The following CRY1 variants were observed in gnomAD, a reference collection of about 807,000 sequenced individuals.
CRY1 encodes cryptochrome-1.
A neutral mutation model predicts 76.0 loss-of-function variants in CRY1; 45 were observed. The observed-to-expected ratio is 0.59, with a 90% CI of 0.47 to 0.76. CRY1 has a LOEUF of 0.76. Among genes scored for constraint, CRY1 ranks in the 30% least tolerant of loss-of-function variants. The probability of loss-of-function intolerance (pLI) is 0.00; values close to 1 mark genes in which losing one functional copy is unlikely to be tolerated. For missense variants in CRY1, 587 were observed against 716.4 expected, an observed-to-expected ratio of 0.82 and a Z score of 2.06; for synonymous variants, 248 against 244.0, an observed-to-expected ratio of 1.02 and a Z score of -0.15.
Position 107,025,879 on chromosome 12 carries a change from A to C in CRY1, c.159-3687T>G, listed in dbSNP as rs1952602643. 2.0e-5 allele frequency among the ~76,000 whole-genome samples: 3 copies of C among 150,934 alleles called. No homozygotes were observed. The South Asian group carries it at 6.2e-4, about 31-fold the overall frequency. ...TACCCCTTTCTCTCACACCAAACCA[A>C]ACTTCTCTTTCAGCACACATTCAAT... On this transcript the variant is annotated intron_variant, in intron 1 of 12. Coordinates refer to ENST00000008527, the MANE Select transcript of CRY1 (RefSeq NM_004075.5).
At chr12:107,029,255 T>C (rs1952650460) in intron 1 of CRY1, among the ~76,000 whole-genome samples, 1 of 152,104 alleles carries the variant, frequency 6.6e-6, no homozygotes, top group Non-Finnish European at 1.5e-5. Flanking sequence ...AAATCTTCCA[T>C]TCTTGGCTTC....
intron 1 of CRY1, among the ~76,000 whole-genome samples, chr12:107,031,036 A>G (rs1952668498): frequency 6.6e-6 from 1 of 152,222 alleles, no homozygotes; most frequent in Non-Finnish European, 1.5e-5. Flanking sequence ...ATCAATGTCA[A>G]AACAAACCTG....
intron 1 of CRY1, among the ~76,000 whole-genome samples, chr12:107,048,003 T>G (rs920937685): frequency 6.6e-6 from 1 of 151,872 alleles, no homozygotes; most frequent in African/African-American, 2.4e-5. Flanking sequence ...AACCAATAGG[T>G]AGACTAATAT....
intron 1 of CRY1, among the ~76,000 whole-genome samples, chr12:107,070,644 C>A (rs1447940187): frequency 6.6e-6 from 1 of 151,374 alleles, no homozygotes; most frequent in Non-Finnish European, 1.5e-5. Flanking sequence ...TTGTATCTAG[C>A]CACATCGCTG....
chr12:107,008,597 A>C (rs1952400586), intron 2 of CRY1, among the ~76,000 whole-genome samples: 1 of 152,212 alleles, frequency 6.6e-6, no homozygotes, highest in South Asian at 2.1e-4. Flanking sequence ...TTGGGTAGAA[A>C]GCATTCAGTG....
At chr12:107,019,086 G>T (rs915878244) in intron 2 of CRY1, among the ~76,000 whole-genome samples, 1 of 151,974 alleles carries the variant, frequency 6.6e-6, no homozygotes, top group African/African-American at 2.4e-5. Context: ...AGAACCAAAA[G>T]ACCTGAGACA....
intron 1 of CRY1, among the ~76,000 whole-genome samples, chr12:107,052,391 T>G (rs551119208): frequency 3.3e-5 from 5 of 152,192 alleles, no homozygotes; most frequent in African/African-American, 9.6e-5. Context: ...TGAGAACTTA[T>G]GTACTAAAGA....
intron 2 of CRY1, among the ~76,000 whole-genome samples, chr12:107,020,081 C>T (rs1015441464): frequency 6.6e-6 from 1 of 151,612 alleles, no homozygotes; most frequent in African/African-American, 2.4e-5. Flanking sequence ...CTTGTTAGAA[C>T]TCTCCCAAAT....
At chr12:107,085,056 GA>G (rs1379488248) in intron 1 of CRY1, among the ~76,000 whole-genome samples, 23 of 150,432 alleles carry the variant, frequency 1.5e-4, no homozygotes, top group African/African-American at 4.6e-4. Flanking sequence ...CAAAAAACAT[GA>G]AAAAAAAGCT....
chr12:107,000,431 A>G (rs1271625797), intron 5 of CRY1, among the ~76,000 whole-genome samples: 1 of 150,314 alleles, frequency 6.7e-6, no homozygotes, highest in Non-Finnish European at 1.5e-5. Context: ...GGCTCACTGC[A>G]ACCTCCAGCT....
intron 1 of CRY1, among the ~76,000 whole-genome samples, chr12:107,082,093 AG>A (rs1953333310): frequency 6.6e-6 from 1 of 152,136 alleles, no homozygotes; most frequent in African/African-American, 2.4e-5. Context: ...AGATAAAAAA[AG>A]ACAAAGAAGG....
Position 107,065,390 on chromosome 12 carries a change from T to G in CRY1, c.158+27414A>C, listed in dbSNP as rs187873365. ...GGCGGATAACCTGAGGTCAGGAGTT[T>G]GAGGCCAGCCTGGCTAACACGGTGA... On this transcript the variant is annotated intron_variant, in intron 1 of 12. Transcript: ENST00000008527. Among the ~76,000 whole-genome samples, 83 of 152,232 alleles carry G rather than the reference T, an allele frequency of 5.5e-4. 2 individuals carry two copies. In the East Asian group the frequency reaches 0.015, roughly 27 times the overall value.
intron 1 of CRY1, among the ~76,000 whole-genome samples, chr12:107,085,595 G>C (rs1953389509): frequency 6.6e-6 from 1 of 152,170 alleles, no homozygotes; most frequent in African/African-American, 2.4e-5. Context: ...TTCTCCATAA[G>C]TAGGAGTTGA....
chr12:107,051,814 T>C (rs1424412306), intron 1 of CRY1, among the ~76,000 whole-genome samples: 1 of 152,176 alleles, frequency 6.6e-6, no homozygotes, highest in Non-Finnish European at 1.5e-5. Flanking sequence ...CTAAGGCTCC[T>C]ACTAATTTTT....
At chr12:107,070,551 GAAAGA>G (rs140474244) in intron 1 of CRY1, among the ~76,000 whole-genome samples, 2,427 of 152,032 alleles carry the variant, frequency 0.016, 68 homozygotes, top group African/African-American at 0.055. Context: ...GGAGGCTAAA[GAAAGA>G]AAACAAGGAA....
At chr12:107,089,199 G>A (rs1448814975) in intron 1 of CRY1, among the ~76,000 whole-genome samples, 1 of 152,150 alleles carries the variant, frequency 6.6e-6, no homozygotes, top group African/African-American at 2.4e-5. Flanking sequence ...TAATGCTTCT[G>A]TGAATGTTAG....
chr12:106,997,209 AAT>A (rs1952242364), intron 10 of CRY1, 83 bp downstream of exon 10: 5 of 1,206,888 alleles, frequency 4.1e-6, no homozygotes, highest in African/African-American at 3.1e-5. Context: ...ATTTTTATAA[AAT>A]ATGTTAGTGA....
At chr12:106,996,397 G>A (rs979999083) in intron 10 of CRY1, among the ~76,000 whole-genome samples, 7 of 152,090 alleles carry the variant, frequency 4.6e-5, no homozygotes, top group South Asian at 2.1e-4. Context: ...TTGATTCCAC[G>A]TCTTTGCTAA....
chr12:106,999,985 GACAA>G lies in CRY1; in HGVS notation c.778_781del (p.Leu260HisfsTer9). ...TAGTTTGAAGTAAAACAGTCGACATGACAAACAACCAAATCGGAGATAAGGACTA... is the reference window on the plus strand; with the variant it reads ...TAGTTTGAAGTAAAACAGTCGACATGACAACCAAATCGGAGATAAGGACTA... On this transcript the variant is annotated frameshift_variant, in exon 6 of 13. Transcript: ENST00000008527. LOFTEE classifies it high-confidence loss of function. The G allele has an allele frequency of 6.2e-7, 1 of 1,613,012 alleles. No homozygotes were observed.
Sources: gnomAD v4.1 joint callset for allele counts (sites outside exome capture counted in the v4.1 genomes callset) on GRCh38, gnomAD v4.1.1 for gene constraint, MANE v1.5 for transcripts, NCBI Gene and HGNC (gene_info 2026-07-23, HGNC 2026-07-21) for gene names.